EBF1: variants seen among roughly 807,000 people sequenced by gnomAD.
The protein encoded by EBF1 is transcription factor COE1.
In EBF1, 10 loss-of-function variants were observed where a neutral mutation model predicts 68.4. That is an observed-to-expected ratio of 0.15 (90% CI 0.09 to 0.25). The LOEUF (loss-of-function observed/expected upper bound fraction) is 0.25, where lower values mean the gene tolerates loss of function less well. EBF1 is among the 10% of genes least tolerant of loss of function. EBF1 has a pLI of 1.00. For synonymous variants in EBF1, 298 were observed against 299.8 expected, an observed-to-expected ratio of 0.99 and a Z score of 0.06; for missense variants, 509 against 794.4, an observed-to-expected ratio of 0.64 and a Z score of 4.32.
chr5:158,710,890 A>C (rs939179091), intron 14 of EBF1, among the ~76,000 whole-genome samples: 2 of 152,236 alleles, frequency 1.3e-5, no homozygotes, highest in Non-Finnish European at 2.9e-5. Flanking sequence ...GCCACATTTT[A>C]CACATCAGAA....
At chr5:159,086,918 G>A in intron 4 of EBF1, among the ~76,000 whole-genome samples, 1 of 151,976 alleles carries the variant, frequency 6.6e-6, no homozygotes. Flanking sequence ...CATTACTCAA[G>A]AAAATGCATT....
At chr5:158,798,674 A>G (rs1302848917) in intron 8 of EBF1, among the ~76,000 whole-genome samples, 3 of 152,296 alleles carry the variant, frequency 2.0e-5, no homozygotes, top group Middle Eastern at 3.4e-3. Context: ...ACACTTCCCA[A>G]GGAAAGTTGC....
intron 6 of EBF1, among the ~76,000 whole-genome samples, chr5:158,987,526 T>G (rs1005288814): frequency 2.0e-5 from 3 of 152,202 alleles, no homozygotes; most frequent in Non-Finnish European, 4.4e-5. Context: ...TTACCTTGTA[T>G]GACAGATGAG....
intron 6 of EBF1, among the ~76,000 whole-genome samples, chr5:159,045,665 T>C (rs998916664): frequency 1.3e-5 from 2 of 152,178 alleles, no homozygotes; most frequent in Non-Finnish European, 2.9e-5. Context: ...ATGCAGACAA[T>C]GACAGTCATG....
chr5:159,060,433 T>C lies in EBF1; in HGVS notation c.554+12963A>G, dbSNP rs372321012. Among the ~76,000 whole-genome samples the C allele has an allele frequency of 7.9e-5, 12 of 152,322 alleles. No individual in the cohort carries two copies. In the East Asian group the frequency reaches 2.3e-3, roughly 29 times the overall value. ...TTTAAAAATCTATGTAAAGTTGCTA[T>C]TTTTTAATTCTTCAATTCCTGATTG... On this transcript the variant is annotated intron_variant, in intron 6 of 15. Transcript: ENST00000313708.
chr5:159,009,338 A>G lies in EBF1; in HGVS notation c.554+64058T>C, dbSNP rs182536149. Among the ~76,000 whole-genome samples the G allele has an allele frequency of 3.4e-4, 52 of 152,326 alleles. No homozygotes were observed. The East Asian group carries it at 9.1e-3, about 27-fold the overall frequency. Reference sequence around the variant, plus strand: ...CACAGAACTACCCAAATTGTCTTGCACAGTATTTCCTCCTTCAAAACCTAC... The same window carrying G: ...CACAGAACTACCCAAATTGTCTTGCGCAGTATTTCCTCCTTCAAAACCTAC... On this transcript the variant is annotated intron_variant, in intron 6 of 15. Transcript: ENST00000313708.
chr5:158,989,281 G>A (rs1201133470), intron 6 of EBF1, among the ~76,000 whole-genome samples: 2 of 152,206 alleles, frequency 1.3e-5, no homozygotes, highest in South Asian at 2.1e-4. Flanking sequence ...TCAATCCCCA[G>A]GTCAGAGAGC....
intron 11 of EBF1, among the ~76,000 whole-genome samples, chr5:158,715,799 C>T (rs1315074617): frequency 6.6e-6 from 1 of 152,152 alleles, no homozygotes; most frequent in Non-Finnish European, 1.5e-5. Context: ...CAAATTCAGC[C>T]TGTGTTGCCT....
intron 6 of EBF1, among the ~76,000 whole-genome samples, chr5:158,994,563 A>G (rs918297905): frequency 1.3e-5 from 2 of 152,220 alleles, no homozygotes; most frequent in African/African-American, 4.8e-5. Context: ...TTTTGAGTAA[A>G]GTATAATATT....
chr5:158,847,985 A>T (rs2127989749), intron 6 of EBF1, among the ~76,000 whole-genome samples: 2 of 152,280 alleles, frequency 1.3e-5, no homozygotes, highest in South Asian at 4.2e-4. Context: ...CCACCCCACA[A>T]AGCCAAGCAT....
intron 6 of EBF1, among the ~76,000 whole-genome samples, chr5:158,896,771 C>T (rs1240104807): frequency 1.3e-5 from 2 of 152,162 alleles, no homozygotes; most frequent in Non-Finnish European, 2.9e-5. Context: ...ACTCCAATAG[C>T]TCTTTAAAAC....
At chr5:159,083,970 G>T (rs901649615) in intron 5 of EBF1, among the ~76,000 whole-genome samples, 2 of 152,204 alleles carry the variant, frequency 1.3e-5, no homozygotes, top group African/African-American at 4.8e-5. Flanking sequence ...AGTTAATTTG[G>T]TCTACTTGCC....
At chr5:158,878,644 CTT>C (rs11445047) in intron 6 of EBF1, among the ~76,000 whole-genome samples, 3 of 140,588 alleles carry the variant, frequency 2.1e-5, no homozygotes, top group Non-Finnish European at 3.1e-5. Context: ...TCTAGCCAGC[CTT>C]TTTTTTTTTT....
At chr5:158,892,196 C>G (rs191391717) in intron 6 of EBF1, among the ~76,000 whole-genome samples, 1 of 152,154 alleles carries the variant, frequency 6.6e-6, no homozygotes, top group Admixed American at 6.5e-5. Flanking sequence ...ATCCCTAATC[C>G]AAAAATCTGA....
At chr5:158,828,112 G>A (rs1322904819) in intron 7 of EBF1, among the ~76,000 whole-genome samples, 1 of 152,092 alleles carries the variant, frequency 6.6e-6, no homozygotes, top group South Asian at 2.1e-4. Context: ...TAATCACAAA[G>A]CTTTAAAAAT....
chr5:158,953,670 C>A (rs1816493044), intron 6 of EBF1, among the ~76,000 whole-genome samples: 1 of 152,092 alleles, frequency 6.6e-6, no homozygotes, highest in African/African-American at 2.4e-5. Context: ...CATCTTTTTC[C>A]TTAATTAATC....
chr5:158,979,915 G>A (rs1757563596), intron 6 of EBF1, among the ~76,000 whole-genome samples: 1 of 152,116 alleles, frequency 6.6e-6, no homozygotes, highest in African/African-American at 2.4e-5. Context: ...CCCCTTCCCT[G>A]CGTTCACTCT....
chr5:158,787,953 A>G lies in EBF1; in HGVS notation c.909+8392T>C, dbSNP rs185751783. Among the ~76,000 whole-genome samples the G allele has an allele frequency of 5.2e-3, 795 of 152,330 alleles. 3 individuals are homozygous for G. Among genetic ancestry groups the G allele is most frequent in the Middle Eastern group, 0.024 (7 of 294 alleles). On this transcript the variant is annotated intron_variant, in intron 9 of 15. Coordinates refer to ENST00000313708, the MANE Select transcript of EBF1 (RefSeq NM_024007.5). ...ATGCATTAGCAAAACCTGGACCACA[A>G]TCTGTCTAGTACTGACACTTTCAAG...
At chr5:158,779,042 T>G (rs1775887675) in intron 9 of EBF1, among the ~76,000 whole-genome samples, 2 of 152,096 alleles carry the variant, frequency 1.3e-5, no homozygotes, top group East Asian at 1.9e-4. Context: ...GTAGAGAGAA[T>G]AAGAAGAAAG....
Sources: allele counts gnomAD v4.1 joint callset (sites outside exome capture counted in the v4.1 genomes callset), GRCh38; gene constraint gnomAD v4.1.1; transcripts MANE v1.5; gene names NCBI Gene and HGNC (gene_info 2026-07-23, HGNC 2026-07-21).